Variants in MARCHF7 observed in about 807,000 individuals in gnomAD.
MARCHF7 encodes membrane associated ring-CH-type finger 7, also known as E3 ubiquitin-protein ligase MARCHF7.
MARCHF7 carries 20 observed loss-of-function variants against 76.5 expected under a neutral mutation model. The ratio of observed to expected loss-of-function variants is 0.26; its 90% CI spans 0.18 to 0.38. The LOEUF (loss-of-function observed/expected upper bound fraction) is 0.38. MARCHF7 is among the 10% of genes least tolerant of loss of function. The probability of loss-of-function intolerance (pLI) is 1.00; values close to 1 mark genes in which losing one functional copy is unlikely to be tolerated. For missense variants in MARCHF7, 797 were observed against 812.9 expected (o/e 0.98, Z 0.24); for synonymous variants, 295 against 293.0 (o/e 1.01, Z -0.07).
At chr2:159,734,518 G>C (rs565218694) in intron 4 of MARCHF7, among the ~76,000 whole-genome samples, 1 of 152,224 alleles carries the variant, frequency 6.6e-6, no homozygotes, top group South Asian at 2.1e-4. Flanking sequence ...GAAATATACA[G>C]ATAGAATACT....
In MARCHF7 at chr2:159,745,627, G is replaced by A. The variant is rs541417381; in HGVS notation, c.347-143G>A. The A allele has an allele frequency of 8.7e-5, 47 of 540,090 alleles. No homozygotes were observed. The South Asian group carries it at 1.2e-3, about 14-fold the overall frequency. The allele number at this position is 540,090 out of a possible 1,614,324, so 33.5% of individuals were successfully genotyped here. A position where few individuals can be genotyped will look rare whatever the true frequency, so the allele number is the denominator to read the frequency against. ...GCTGAGATCGTGCCACTACACTCCA[G>A]CCTGGGTGACAGAGTGAGACTCCGT... On this transcript the variant is annotated intron_variant, in intron 5 of 11. Transcript: ENST00000409175.
chr2:159,763,406 C>T (rs909942784), intron 10 of MARCHF7, among the ~76,000 whole-genome samples: 1 of 152,148 alleles, frequency 6.6e-6, no homozygotes, highest in Non-Finnish European at 1.5e-5. Context: ...CAAAAGATTA[C>T]CAGTGTACTA....
chr2:159,734,980 T>C (rs1225745434), intron 4 of MARCHF7, among the ~76,000 whole-genome samples: 1 of 152,080 alleles, frequency 6.6e-6, no homozygotes, highest in Non-Finnish European at 1.5e-5. Context: ...GGACCCTGTC[T>C]CAAAAAGAAA....
chr2:159,751,116 A>G (rs1705591578), intron 7 of MARCHF7, among the ~76,000 whole-genome samples: 1 of 152,192 alleles, frequency 6.6e-6, no homozygotes, highest in African/African-American at 2.4e-5. Context: ...GCTTCCTCCA[A>G]TTGCAGGCTG....
chr2:159,724,255 C>T (rs541411648), intron 3 of MARCHF7, among the ~76,000 whole-genome samples: 9 of 152,252 alleles, frequency 5.9e-5, no homozygotes, highest in African/African-American at 2.2e-4. Context: ...ATTACGTTCT[C>T]TTTGTATGTG....
intron 5 of MARCHF7, 93 bp from the exon 6 acceptor site, chr2:159,745,677 A>G: frequency 1.3e-6 from 1 of 798,362 alleles, no homozygotes; most frequent in East Asian, 2.9e-5. Context: ...ATAATAATAA[A>G]TAACACTAAC....
intron 8 of MARCHF7, 39 bp from the exon 9 acceptor site, chr2:159,759,184 CATT>C: frequency 1.9e-6 from 2 of 1,049,110 alleles, no homozygotes; most frequent in Non-Finnish European, 2.9e-6. Context: ...TTTATGAAGA[CATT>C]ATAAAACTAA....
intron 10 of MARCHF7, among the ~76,000 whole-genome samples, chr2:159,763,272 C>T (rs935511890): frequency 3.3e-5 from 5 of 152,072 alleles, no homozygotes; most frequent in Non-Finnish European, 5.9e-5. Flanking sequence ...TTGGAAACAT[C>T]GAGGGAAAAT....
chr2:159,732,465 G>C (rs989800602), intron 4 of MARCHF7, among the ~76,000 whole-genome samples: 4 of 152,040 alleles, frequency 2.6e-5, no homozygotes, highest in African/African-American at 9.7e-5. Context: ...AGGCTGCTTT[G>C]CTTATTTAGT....
At chr2:159,749,049 G>T (rs960180333) in intron 7 of MARCHF7, 146 bp downstream of exon 7, 4 of 910,754 alleles carry the variant, frequency 4.4e-6, no homozygotes, top group African/African-American at 1.8e-5. Flanking sequence ...CACCATCTCG[G>T]CTCACTGCAG....
intron 1 of MARCHF7, among the ~76,000 whole-genome samples, chr2:159,712,864 G>C (rs1047675152): frequency 6.6e-6 from 1 of 152,256 alleles, no homozygotes; most frequent in Admixed American, 6.5e-5. Flanking sequence ...TTGGTCGGGT[G>C]GTGGAGTTTG....
intron 4 of MARCHF7, among the ~76,000 whole-genome samples, chr2:159,741,766 A>G (rs1302817231): frequency 1.3e-5 from 2 of 152,236 alleles, no homozygotes; most frequent in African/African-American, 4.8e-5. Context: ...TATTTACCAC[A>G]TACTTAACTC....
intron 3 of MARCHF7, among the ~76,000 whole-genome samples, chr2:159,716,263 C>A (rs911060398): frequency 3.8e-5 from 5 of 130,820 alleles, no homozygotes; most frequent in African/African-American, 1.1e-4. Context: ...TCCCCAGAAG[C>A]AGATTTTTTT....
At chr2:159,764,386 T>G (rs1707511277) in intron 10 of MARCHF7, among the ~76,000 whole-genome samples, 1 of 152,094 alleles carries the variant, frequency 6.6e-6, no homozygotes, top group Non-Finnish European at 1.5e-5. Flanking sequence ...GATAAAATTA[T>G]TGTATCTGCT....
intron 4 of MARCHF7, among the ~76,000 whole-genome samples, chr2:159,737,191 AT>A (rs1194383116): frequency 1.3e-5 from 2 of 152,230 alleles, no homozygotes; most frequent in Non-Finnish European, 2.9e-5. Flanking sequence ...TTTCATAAAA[AT>A]TAAAATTTGT....
At chr2:159,763,883 A>C (rs1367513786) in intron 10 of MARCHF7, among the ~76,000 whole-genome samples, 1 of 152,166 alleles carries the variant, frequency 6.6e-6, no homozygotes, top group Non-Finnish European at 1.5e-5. Context: ...ATTGAAGAGC[A>C]TTCATATTAT....
intron 8 of MARCHF7, among the ~76,000 whole-genome samples, chr2:159,755,851 TTA>T (rs1706228719): frequency 6.6e-6 from 1 of 152,106 alleles, no homozygotes; most frequent in Non-Finnish European, 1.5e-5. Flanking sequence ...AAGTTGGAGA[TTA>T]TGAGGATACT....
At chr2:159,766,926 A>T (rs1027717151) in intron 11 of MARCHF7, among the ~76,000 whole-genome samples, 5 of 152,182 alleles carry the variant, frequency 3.3e-5, no homozygotes, top group Non-Finnish European at 7.4e-5. Flanking sequence ...GGTGTGTGAG[A>T]GCACTTGCCT....
intron 4 of MARCHF7, among the ~76,000 whole-genome samples, chr2:159,729,499 C>T (rs1055951928): frequency 2.0e-5 from 3 of 151,862 alleles, no homozygotes; most frequent in East Asian, 1.9e-4. Flanking sequence ...GACGAAACCC[C>T]GTCTCGACTA....
Sources: gnomAD v4.1 joint callset for allele counts (sites outside exome capture counted in the v4.1 genomes callset) on GRCh38, gnomAD v4.1.1 for gene constraint, MANE v1.5 for transcripts, NCBI Gene and HGNC (gene_info 2026-07-23, HGNC 2026-07-21) for gene names.